Variants in PTPRT observed in about 807,000 individuals in gnomAD.
PTPRT encodes the protein protein tyrosine phosphatase receptor type T, also known as receptor-type tyrosine-protein phosphatase T.
In PTPRT, 56 loss-of-function variants were observed where a neutral mutation model predicts 176.8. The ratio of observed to expected loss-of-function variants is 0.32; its 90% CI spans 0.26 to 0.40. The LOEUF is 0.40. Ranked by LOEUF, PTPRT falls within the 10% of genes least tolerant of loss-of-function variation. The pLI, the probability that PTPRT is intolerant of heterozygous loss-of-function variation, is 1.00. For missense variants in PTPRT, 1,540 were observed against 1,908.2 expected (o/e 0.81, Z 3.60); for synonymous variants, 783 against 739.0 (o/e 1.06, Z -0.96).
chr20:43,185,328 C>T (rs977852888), intron 1 of PTPRT, among the ~76,000 whole-genome samples: 2 of 152,114 alleles, frequency 1.3e-5, no homozygotes, highest in South Asian at 2.1e-4. Context: ...CCCCCACAGC[C>T]CCAGAGTGCT....
At chr20:43,176,669 C>A (rs1274679901) in intron 1 of PTPRT, among the ~76,000 whole-genome samples, 1 of 152,194 alleles carries the variant, frequency 6.6e-6, no homozygotes, top group Non-Finnish European at 1.5e-5. Flanking sequence ...ATTATTAATA[C>A]ATATTTGATT....
At chr20:42,222,970 C>T (rs1240635227) in intron 15 of PTPRT, among the ~76,000 whole-genome samples, 1 of 152,092 alleles carries the variant, frequency 6.6e-6, no homozygotes, top group African/African-American at 2.4e-5. Flanking sequence ...GACACTATCT[C>T]CAGGTAGGAA....
At chr20:42,647,427 G>T (rs1057412126) in intron 7 of PTPRT, among the ~76,000 whole-genome samples, 3 of 152,100 alleles carry the variant, frequency 2.0e-5, no homozygotes, top group Non-Finnish European at 4.4e-5. Context: ...CTGGTGTCCC[G>T]TCAACAGCCC....
At chr20:42,356,269 G>C (rs1451786831) in intron 9 of PTPRT, among the ~76,000 whole-genome samples, 1 of 152,094 alleles carries the variant, frequency 6.6e-6, no homozygotes, top group Admixed American at 6.5e-5. Context: ...AGGGGGAAGG[G>C]TACACAGCTG....
intron 2 of PTPRT, among the ~76,000 whole-genome samples, chr20:42,875,432 T>C (rs1475100223): frequency 1.3e-5 from 2 of 152,218 alleles, no homozygotes; most frequent in Admixed American, 6.5e-5. Context: ...GCTAATGTAG[T>C]TTCTACAATT....
intron 1 of PTPRT, among the ~76,000 whole-genome samples, chr20:42,923,191 T>G (rs1979269899): frequency 6.6e-6 from 1 of 152,126 alleles, no homozygotes; most frequent in African/African-American, 2.4e-5. Flanking sequence ...AATCCAGAAC[T>G]TTAAAGGTCA....
intron 1 of PTPRT, among the ~76,000 whole-genome samples, chr20:42,950,923 G>A (rs942652963): frequency 3.9e-5 from 6 of 152,158 alleles, no homozygotes; most frequent in Non-Finnish European, 8.8e-5. Context: ...TGAGGCACGT[G>A]TTAACTCATG....
intron 1 of PTPRT, among the ~76,000 whole-genome samples, chr20:43,002,986 GAAAAT>G (rs148244334): frequency 0.03 from 4,552 of 151,738 alleles, 219 homozygotes; most frequent in African/African-American, 0.1. Flanking sequence ...TCATCAAAGA[GAAAAT>G]AAAATAAAAG....
chr20:43,071,134 A>C (rs1452039602), intron 1 of PTPRT, among the ~76,000 whole-genome samples: 1 of 152,196 alleles, frequency 6.6e-6, no homozygotes, highest in African/African-American at 2.4e-5. Flanking sequence ...TCCTTGAGGC[A>C]TCAGGCTGAA....
intron 17 of PTPRT, among the ~76,000 whole-genome samples, chr20:42,146,193 T>A (rs1568969089): frequency 6.6e-6 from 1 of 152,124 alleles, no homozygotes; most frequent in Non-Finnish European, 1.5e-5. Context: ...TTGCCAGGTC[T>A]GTTCTCTGTA....
chr20:43,094,091 CTTTTT>C (rs11478226), intron 1 of PTPRT, among the ~76,000 whole-genome samples: 1 of 130,692 alleles, frequency 7.7e-6, no homozygotes. Context: ...TTCTTTCTTT[CTTTTT>C]TTTTTTTTTT....
intron 11 of PTPRT, among the ~76,000 whole-genome samples, chr20:42,318,886 C>T (rs1240747087): frequency 6.6e-6 from 1 of 152,188 alleles, no homozygotes; most frequent in Non-Finnish European, 1.5e-5. Context: ...TCAGTTCCTA[C>T]TGTCTCTGGC....
chr20:42,504,648 G>T (rs987269953), intron 7 of PTPRT, among the ~76,000 whole-genome samples: 1 of 151,910 alleles, frequency 6.6e-6, no homozygotes, highest in Non-Finnish European at 1.5e-5. Context: ...TTATGTATGT[G>T]TCTTTTAAAA....
At chr20:42,790,128 T>C (rs531739968) in intron 3 of PTPRT, among the ~76,000 whole-genome samples, 40 of 152,276 alleles carry the variant, frequency 2.6e-4, no homozygotes, top group African/African-American at 8.9e-4. Flanking sequence ...TTTATAATGA[T>C]GGTTGCACAA....
At chr20:42,154,744 A>G (rs1037230723) in intron 17 of PTPRT, among the ~76,000 whole-genome samples, 1 of 152,076 alleles carries the variant, frequency 6.6e-6, no homozygotes, top group African/African-American at 2.4e-5. Flanking sequence ...TCTGACTACC[A>G]TGGCAGCAGT....
chr20:42,901,564 C>T (rs531837768), intron 1 of PTPRT, among the ~76,000 whole-genome samples: 3 of 152,178 alleles, frequency 2.0e-5, no homozygotes, highest in South Asian at 2.1e-4. Flanking sequence ...ACGTCCCCCA[C>T]GGTCTCTGTC....
At chr20:42,658,110 G>C (rs1408655635) in intron 7 of PTPRT, among the ~76,000 whole-genome samples, 1 of 152,100 alleles carries the variant, frequency 6.6e-6, no homozygotes, top group Admixed American at 6.6e-5. Context: ...AAGTTGCACT[G>C]AATTACTGAA....
intron 1 of PTPRT, among the ~76,000 whole-genome samples, chr20:42,965,373 T>C (rs1982234463): frequency 6.6e-6 from 1 of 152,172 alleles, no homozygotes; most frequent in African/African-American, 2.4e-5. Context: ...TGTTTCCAAC[T>C]TACAGATATA....
At chr20:42,186,167 A>C (rs1468615456) in intron 16 of PTPRT, among the ~76,000 whole-genome samples, 1 of 151,994 alleles carries the variant, frequency 6.6e-6, no homozygotes, top group Non-Finnish European at 1.5e-5. Flanking sequence ...GAGTTGGAAA[A>C]CATTTCTGTC....
Sources: allele counts gnomAD v4.1 joint callset (sites outside exome capture counted in the v4.1 genomes callset), GRCh38; gene constraint gnomAD v4.1.1; transcripts MANE v1.5; gene names NCBI Gene and HGNC (gene_info 2026-07-23, HGNC 2026-07-21).